CCDC80: variants seen among roughly 807,000 people sequenced by gnomAD.
CCDC80 encodes the protein coiled-coil domain-containing protein 80.
CCDC80 carries 49 observed loss-of-function variants against 78.7 expected under a neutral mutation model. The ratio of observed to expected loss-of-function variants is 0.62; its 90% CI spans 0.50 to 0.79. The LOEUF (loss-of-function observed/expected upper bound fraction) is 0.79, where lower values mean the gene tolerates loss of function less well. CCDC80 is among the 30% of genes least tolerant of loss of function. CCDC80 has a pLI of 0.00. For synonymous variants in CCDC80, 488 were observed against 447.0 expected (o/e 1.09, Z -1.16); for missense variants, 1,205 against 1,198.6 (o/e 1.01, Z -0.08).
intron 6 of CCDC80, among the ~76,000 whole-genome samples, chr3:112,608,454 T>C (rs1167510337): frequency 1.3e-5 from 2 of 152,232 alleles, no homozygotes; most frequent in Non-Finnish European, 2.9e-5. Context: ...AATTTAATTA[T>C]TCATTAATTA....
chr3:112,630,907 ACAGGATGTTTTTT>A (rs1333315100), intron 2 of CCDC80, among the ~76,000 whole-genome samples: 1 of 152,150 alleles, frequency 6.6e-6, no homozygotes, highest in African/African-American at 2.4e-5. Flanking sequence ...CAGTTTTCCA[ACAGGATGTTTTTT>A]ACTCTAAGTT....
chr3:112,616,742 G>C lies in CCDC80; in HGVS notation c.2289C>G (p.Asp763Glu). Residue 763 changes from aspartate (D) to glutamate (E), a missense_variant, in exon 5 of 8, where the codon GAC becomes GAG. Asp to Glu is a conservative substitution (Grantham distance 45). Coordinates refer to ENST00000206423, the MANE Select transcript of CCDC80 (RefSeq NM_199511.3). Reference sequence around the variant, plus strand: ...GGAAGTTCTCCAGGGACTGCTTTTTGTCCTCTTTGCAAACAATGCCCTCCT... The same window carrying C: ...GGAAGTTCTCCAGGGACTGCTTTTTCTCCTCTTTGCAAACAATGCCCTCCT... ...QKKEGIVCKEDKKQSLENFLS... is the reference protein window; with the variant it reads ...QKKEGIVCKEEKKQSLENFLS... 7 of 1,614,086 alleles carry C rather than the reference G, an allele frequency of 4.3e-6. No individual in the cohort carries two copies. The highest frequency in any genetic ancestry group is 5.9e-6 in the Non-Finnish European group (7 of 1,179,978).
rs1935594162 is a variant in CCDC80 at position 112,610,087 on chromosome 3, A to G, written c.2322-6T>C. ...ACCTCCTCCTCCACCGGAACCTGGAAAAAAAAAGCAGGACACCATTACTGC... is the reference window on the plus strand; with the variant it reads ...ACCTCCTCCTCCACCGGAACCTGGAGAAAAAAAGCAGGACACCATTACTGC... On this transcript the variant is annotated splice_region_variant and splice_polypyrimidine_tract_variant and intron_variant, in intron 5 of 7. Coordinates refer to ENST00000206423, the MANE Select transcript of CCDC80 (RefSeq NM_199511.3). 3 of 1,603,932 alleles carry G rather than the reference A, an allele frequency of 1.9e-6. No individual in the cohort carries two copies. The highest frequency in any genetic ancestry group is 1.1e-5 in the South Asian group (1 of 90,716).
chr3:112,628,388 C>T (rs1483828377), intron 3 of CCDC80, among the ~76,000 whole-genome samples: 1 of 152,066 alleles, frequency 6.6e-6, no homozygotes, highest in Non-Finnish European at 1.5e-5. Context: ...AAAGCAATAA[C>T]AAGTATTTTG....
Position 112,638,973 on chromosome 3 carries a change from C to T in CCDC80, c.933G>A (p.Lys311=). Residue 311 remains lysine (K), a synonymous_variant, in exon 2 of 8, where the codon AAG becomes AAA. Coordinates refer to ENST00000206423, the MANE Select transcript of CCDC80 (RefSeq NM_199511.3). ...AGRPSLGSEK[K]KEDPRRAQVP... is the part of the protein sequence containing the mutation. ...CTTGTGCTCTCCTTGGGTCCTCTTT[C>T]TTCTTCTCGCTGCCCAGGCTTGGCC... 1 of 1,612,354 alleles carries T rather than the reference C, an allele frequency of 6.2e-7. No individual in the cohort carries two copies. Among genetic ancestry groups the T allele is most frequent in the Non-Finnish European group, 8.5e-7 (1 of 1,179,996 alleles).
rs980206037 is a variant in CCDC80, at chr3:112,617,471, G to A, written c.2173-613C>T. ...AGATGGATTTAGGGGCTGGCTGAGC[G>A]TAATCAGCATAAACTGGAGAGCAGT... On this transcript the variant is annotated intron_variant, in intron 4 of 7. Transcript: ENST00000206423. Among the ~76,000 whole-genome samples the A allele has an allele frequency of 6.6e-5, 10 of 152,230 alleles. No individual in the cohort carries two copies. In the East Asian group the frequency reaches 1.5e-3, roughly 23 times the overall value.
intron 3 of CCDC80, among the ~76,000 whole-genome samples, chr3:112,626,235 T>C (rs1377039853): frequency 6.6e-6 from 1 of 152,108 alleles, no homozygotes; most frequent in East Asian, 1.9e-4. Context: ...TAAAGACTTA[T>C]CAAAGCAGAG....
Position 112,608,970 on chromosome 3 carries a change from C to T in CCDC80, c.2425+1008G>A, listed in dbSNP as rs573873728. On this transcript the variant is annotated intron_variant, in intron 6 of 7. Coordinates refer to ENST00000206423, the MANE Select transcript of CCDC80 (RefSeq NM_199511.3). Reference sequence around the variant, plus strand: ...CCCTCCTCCCTTTTAAAAAACAAATCAAGCACAGTTTTGTAACTAGTAGAT... The same window carrying T: ...CCCTCCTCCCTTTTAAAAAACAAATTAAGCACAGTTTTGTAACTAGTAGAT... 3.9e-5 allele frequency among the ~76,000 whole-genome samples: 6 copies of T among 152,282 alleles called. No individual in the cohort carries two copies. The South Asian group carries it at 1.2e-3, about 32-fold the overall frequency.
chr3:112,621,221 A>T lies in CCDC80; in HGVS notation c.2036-2117T>A, dbSNP rs1212356394. 2.6e-5 allele frequency among the ~76,000 whole-genome samples: 4 copies of T among 152,198 alleles called. No individual in the cohort carries two copies. The East Asian group carries it at 7.7e-4, about 29-fold the overall frequency. Reference sequence around the variant, plus strand: ...TTGCTTTGGCCAATGGGATATTAGCACAATGACACAAGCAGAAGCTAGAAA... The same window carrying T: ...TTGCTTTGGCCAATGGGATATTAGCTCAATGACACAAGCAGAAGCTAGAAA... On this transcript the variant is annotated intron_variant, in intron 3 of 7. Coordinates refer to ENST00000206423, the MANE Select transcript of CCDC80 (RefSeq NM_199511.3).
rs1935439638 is a variant in CCDC80, at chr3:112,604,648, T to TA, written c.*768dup. On this transcript the variant is annotated 3_prime_UTR_variant, in exon 8 of 8. Transcript: ENST00000206423. Reference sequence around the variant, plus strand: ...ATATCTCCATGGTATGCCTGTGCTGTACAGGGGGTAAAGTGTGAGGGGTCA... The same window carrying TA: ...ATATCTCCATGGTATGCCTGTGCTGTAACAGGGGGTAAAGTGTGAGGGGTCA... 6.6e-6 allele frequency: 1 copy of TA among 152,210 alleles called. No homozygotes were observed. The highest frequency in any genetic ancestry group is 2.1e-4 in the South Asian group (1 of 4,830). 9.4% of individuals were successfully genotyped at this position (152,210 alleles called of 1,614,324 possible). A position where few individuals can be genotyped will look rare whatever the true frequency, so the allele number is the denominator to read the frequency against.
At position 112,602,967 on chromosome 3, in the gene CCDC80, G is replaced by A. The variant is rs916046443; in HGVS notation, c.*2450C>T. The A allele has an allele frequency of 2.6e-5, 4 of 152,354 alleles. No individual in the cohort carries two copies. The highest frequency in any genetic ancestry group is 4.4e-5 in the Non-Finnish European group (3 of 68,178). 9.4% of individuals were successfully genotyped at this position (152,354 alleles called of 1,614,324 possible). A position where few individuals can be genotyped will look rare whatever the true frequency, so the allele number is the denominator to read the frequency against. On this transcript the variant is annotated 3_prime_UTR_variant, in exon 8 of 8. Coordinates refer to ENST00000206423, the MANE Select transcript of CCDC80 (RefSeq NM_199511.3). The stretch of plus-strand genomic sequence containing the variant: ...ACGTATCTAGAGAGGAGTAGTCAAT[G>A]CCTCACTTCAAAGCTTCAACCAACA...
chr3:112,610,182 C>G (rs111693458), intron 5 of CCDC80, 101 bp from the exon 6 acceptor site: 1 of 959,306 alleles, frequency 1.0e-6, no homozygotes, highest in African/African-American at 1.7e-5. Flanking sequence ...TTTTTCTGTG[C>G]CCAGAAAAAA....
Position 112,616,667 on chromosome 3 carries a change from C to A in CCDC80, c.2321+43G>T, listed in dbSNP as rs1193089564. ...GGCATTTTCATGAGCTCACTCAGAACAAATTTGCACCTTCCTCTTTAGCGA... is the reference window on the plus strand; with the variant it reads ...GGCATTTTCATGAGCTCACTCAGAAAAAATTTGCACCTTCCTCTTTAGCGA... On this transcript the variant is annotated intron_variant, in intron 5 of 7. Coordinates refer to ENST00000206423, the MANE Select transcript of CCDC80 (RefSeq NM_199511.3). 1.9e-6 allele frequency: 3 copies of A among 1,610,660 alleles called. No individual in the cohort carries two copies. The Admixed American group carries it at 5.0e-5, about 27-fold the overall frequency.
Position 112,639,098 on chromosome 3 carries a change from C to G in CCDC80, c.808G>C (p.Glu270Gln), listed in dbSNP as rs768029382. The G allele has an allele frequency of 4.3e-6, 7 of 1,614,008 alleles. No homozygotes were observed. In the South Asian group the frequency reaches 6.6e-5, roughly 15 times the overall value. The change falls in exon 2 of 8, where the codon GAG becomes CAG. Residue 270 changes from glutamate (E) to glutamine (Q), a missense_variant. Physicochemically the swap from Glu to Gln is conservative, Grantham distance 29. Transcript: ENST00000206423. ...VIDQGPIRRI[E>Q]KIRQKGFVQK... is the part of the protein sequence containing the mutation. ...ACAAAGCCCTTCTGCCTGATCTTCT[C>G]GATCCTACGGATGGGGCCTTGGTCG...
intron 1 of CCDC80, 25 bp from the exon 2 acceptor site, chr3:112,639,941 A>G (rs773199781): frequency 6.3e-7 from 1 of 1,576,652 alleles, no homozygotes; most frequent in Admixed American, 1.8e-5. Flanking sequence ...GAGGTCATAA[A>G]ACAAAGGGGA....
In CCDC80 at chr3:112,639,081, C is replaced by T. The variant is rs764507397; in HGVS notation, c.825G>A (p.Lys275=). Residue 275 remains lysine (K), a synonymous_variant, in exon 2 of 8, where the codon AAG becomes AAA. Coordinates refer to ENST00000206423, the MANE Select transcript of CCDC80 (RefSeq NM_199511.3). ...AGGCCTTACATTTCTGGACAAAGCC[C>T]TTCTGCCTGATCTTCTCGATCCTAC... ...PIRRIEKIRQ[K]GFVQKCKASG... 1.2e-6 allele frequency: 2 copies of T among 1,613,506 alleles called. No homozygotes were observed. The highest frequency in any genetic ancestry group is 1.1e-5 in the South Asian group (1 of 91,082).
At chr3:112,629,100 G>C (rs527644176) in intron 3 of CCDC80, among the ~76,000 whole-genome samples, 3 of 152,048 alleles carry the variant, frequency 2.0e-5, no homozygotes, top group Non-Finnish European at 4.4e-5. Context: ...CACCAAGATC[G>C]TATGTCAGAA....
chr3:112,622,010 G>T (rs72942099), intron 3 of CCDC80, among the ~76,000 whole-genome samples: 1 of 152,122 alleles, frequency 6.6e-6, no homozygotes, highest in Non-Finnish European at 1.5e-5. Context: ...AACCCAATCT[G>T]TCACAGACCC....
intron 3 of CCDC80, among the ~76,000 whole-genome samples, chr3:112,622,822 ATT>A (rs373170477): frequency 8.4e-5 from 10 of 118,894 alleles, no homozygotes; most frequent in Admixed American, 4.7e-4. Context: ...TGCCCAGCTA[ATT>A]TTTTTTTTTT....
Sources: allele counts gnomAD v4.1 joint callset (sites outside exome capture counted in the v4.1 genomes callset), GRCh38; gene constraint gnomAD v4.1.1; transcripts MANE v1.5; gene names NCBI Gene and HGNC (gene_info 2026-07-23, HGNC 2026-07-21).